Variants in ZNF678 observed in about 807,000 individuals in gnomAD.
ZNF678 encodes the protein zinc finger protein 678, also known as hypothetical protein MGC42493.
In ZNF678, 5 loss-of-function variants were observed where a neutral mutation model predicts 3.0. That is an observed-to-expected ratio of 1.69 (90% CI 0.88 to 3.56). The LOEUF (loss-of-function observed/expected upper bound fraction) is 3.56, where lower values mean the gene tolerates loss of function less well. Among genes scored for constraint, ZNF678 ranks in the 30% most tolerant of loss-of-function variants. The pLI is 0.00. For synonymous variants in ZNF678, 218 were observed against 199.6 expected (o/e 1.09, Z -0.78); for missense variants, 593 against 605.0 (o/e 0.98, Z 0.21).
Position 227,569,388 on chromosome 1 carries a change from T to G in ZNF678, c.-164+5664T>G, listed in dbSNP as rs532016020. Among the ~76,000 whole-genome samples, 4 of 152,312 alleles carry G rather than the reference T, an allele frequency of 2.6e-5. No homozygotes were observed. In the South Asian group the frequency reaches 8.3e-4, roughly 32 times the overall value. Reference sequence around the variant, plus strand: ...TTGAATCATTCTTTTTAACTCATGGTTGTCTTTATCTAAGACCTGGATTCT... The same window carrying G: ...TTGAATCATTCTTTTTAACTCATGGGTGTCTTTATCTAAGACCTGGATTCT... On this transcript the variant is annotated intron_variant, in intron 1 of 3. Coordinates refer to ENST00000343776, the MANE Select transcript of ZNF678 (RefSeq NM_001367909.1).
At chr1:227,625,658 G>A (rs1202023716) in intron 1 of ZNF678, among the ~76,000 whole-genome samples, 1 of 152,120 alleles carries the variant, frequency 6.6e-6, no homozygotes, top group Non-Finnish European at 1.5e-5. Flanking sequence ...AGTGAGGGTG[G>A]TATTAAATAG....
chr1:227,657,546 T>A lies in ZNF678; in HGVS notation c.*1718T>A, dbSNP rs1659282108. The stretch of plus-strand genomic sequence containing the variant: ...AAGGAGTATAATGAAAGGCCATGTA[T>A]TTTGAATCACGAATGACTATTTACA... On this transcript the variant is annotated 3_prime_UTR_variant, in exon 4 of 4. Transcript: ENST00000343776. The A allele has an allele frequency of 6.6e-6, 1 of 151,968 alleles. No homozygotes were observed. Among genetic ancestry groups the A allele is most frequent in the South Asian group, 2.1e-4 (1 of 4,834 alleles). The allele number at this position is 151,968 out of a possible 1,614,324, so 9.4% of individuals were successfully genotyped here.
downstream of ZNF678, chr1:227,662,570 A>G (rs1659433568): frequency 6.6e-6 from 1 of 152,222 alleles, no homozygotes; most frequent in African/African-American, 2.4e-5. Context: ...ATGTGAGCAG[A>G]TGACGCAGGG....
chr1:227,590,381 T>C (rs555255520), intron 1 of ZNF678, among the ~76,000 whole-genome samples: 4 of 151,776 alleles, frequency 2.6e-5, no homozygotes, highest in Non-Finnish European at 4.4e-5. Context: ...ATAACATTTC[T>C]CATCTGAGTT....
intron 1 of ZNF678, among the ~76,000 whole-genome samples, chr1:227,589,413 A>G (rs1463227708): frequency 1.3e-5 from 2 of 151,838 alleles, no homozygotes; most frequent in Admixed American, 6.6e-5. Flanking sequence ...TCTTTTCCCA[A>G]TTGCTTGATT....
chr1:227,650,843 T>C lies in ZNF678; in HGVS notation c.-36-113T>C, dbSNP rs116868046. On this transcript the variant is annotated intron_variant, in intron 2 of 3. Coordinates refer to ENST00000343776, the MANE Select transcript of ZNF678 (RefSeq NM_001367909.1). Reference sequence around the variant, plus strand: ...TTTACTGAGATTTTTGATTTATTTGTTATGGCTTTCTACATATAAGATAAT... The same window carrying C: ...TTTACTGAGATTTTTGATTTATTTGCTATGGCTTTCTACATATAAGATAAT... 3,938 of 744,840 alleles carry C rather than the reference T, an allele frequency of 5.3e-3. 118 individuals carry two copies. The highest frequency in any genetic ancestry group is 0.051 in the South Asian group (1,914 of 37,372). The allele number at this position is 744,840 out of a possible 1,614,324, so 46.1% of individuals were successfully genotyped here. A position where few individuals can be genotyped will look rare whatever the true frequency, so the allele number is the denominator to read the frequency against.
At chr1:227,597,594 A>G (rs1657627150) in intron 1 of ZNF678, among the ~76,000 whole-genome samples, 1 of 152,336 alleles carries the variant, frequency 6.6e-6, no homozygotes, top group South Asian at 2.1e-4. Flanking sequence ...AATGCTAAAA[A>G]ATATTCATTA....
At chr1:227,570,398 G>A (rs1656807430) in intron 1 of ZNF678, among the ~76,000 whole-genome samples, 1 of 152,234 alleles carries the variant, frequency 6.6e-6, no homozygotes, top group African/African-American at 2.4e-5. Context: ...AGTTGTGATA[G>A]GGATTTGAGT....
At chr1:227,591,963 G>C (rs138627436) in intron 1 of ZNF678, among the ~76,000 whole-genome samples, 1 of 152,106 alleles carries the variant, frequency 6.6e-6, no homozygotes, top group African/African-American at 2.4e-5. Context: ...CAGTTTCCGC[G>C]TGTGACTGGA....
intron 1 of ZNF678, among the ~76,000 whole-genome samples, chr1:227,611,907 A>G (rs1335410746): frequency 6.6e-6 from 1 of 152,172 alleles, no homozygotes; most frequent in Admixed American, 6.6e-5. Context: ...GCTACCAAGC[A>G]TCTCTTGTCA....
At chr1:227,576,571 G>C (rs911270777) in intron 1 of ZNF678, among the ~76,000 whole-genome samples, 1 of 152,292 alleles carries the variant, frequency 6.6e-6, no homozygotes, top group African/African-American at 2.4e-5. Context: ...TTGTATTTCT[G>C]TGGCATCAGT....
chr1:227,624,764 T>A (rs1369659635), intron 1 of ZNF678, among the ~76,000 whole-genome samples: 4 of 152,154 alleles, frequency 2.6e-5, no homozygotes, highest in African/African-American at 9.7e-5. Flanking sequence ...GCAGGAACAA[T>A]AGTGAGCCTC....
intron 1 of ZNF678, among the ~76,000 whole-genome samples, chr1:227,610,760 C>T (rs147996529): frequency 6.6e-6 from 1 of 152,136 alleles, no homozygotes; most frequent in Non-Finnish European, 1.5e-5. Context: ...TTCCAACCCC[C>T]CTAAGGTGAT....
chr1:227,653,934 G>A (rs1313778660), intron 3 of ZNF678, among the ~76,000 whole-genome samples: 1 of 151,986 alleles, frequency 6.6e-6, no homozygotes, highest in Non-Finnish European at 1.5e-5. Flanking sequence ...CAGAAGTATG[G>A]GCACATGTGC....
At chr1:227,618,755 G>C (rs990257470) in intron 1 of ZNF678, among the ~76,000 whole-genome samples, 1 of 152,126 alleles carries the variant, frequency 6.6e-6, no homozygotes, top group African/African-American at 2.4e-5. Context: ...GTTTGTTTTA[G>C]TAAGCTGCTC....
rs145497199 is a variant in ZNF678, at chr1:227,585,966, G to A, written c.-164+22242G>A. On this transcript the variant is annotated intron_variant, in intron 1 of 3. Coordinates refer to ENST00000343776, the MANE Select transcript of ZNF678 (RefSeq NM_001367909.1). ...GCAAACAGCCACAAAGCCTAGGGAG[G>A]GAGGAGAATTTGATTTCCAGATTTA... 8.3e-4 allele frequency among the ~76,000 whole-genome samples: 126 copies of A among 152,198 alleles called. 3 individuals are homozygous for A. The East Asian group carries it at 0.023, about 28-fold the overall frequency.
intron 3 of ZNF678, among the ~76,000 whole-genome samples, chr1:227,651,324 G>T (rs913809213): frequency 6.6e-6 from 1 of 152,136 alleles, no homozygotes; most frequent in Admixed American, 6.5e-5. Flanking sequence ...GTATGTGTGT[G>T]GCTCTCACCC....
intron 5 of ZNF678, among the ~76,000 whole-genome samples, chr1:227,668,978 T>C (rs1659554474): frequency 6.6e-6 from 1 of 152,072 alleles, no homozygotes; most frequent in African/African-American, 2.4e-5. Context: ...ACCTAGAATT[T>C]ACCCTCCTCA....
intron 5 of ZNF678, among the ~76,000 whole-genome samples, chr1:227,670,256 C>T (rs1459730805): frequency 6.6e-6 from 1 of 152,218 alleles, no homozygotes; most frequent in African/African-American, 2.4e-5. Flanking sequence ...CAGTCCTACA[C>T]ATGTATCCCC....
Sources: gnomAD v4.1 joint callset for allele counts (sites outside exome capture counted in the v4.1 genomes callset) on GRCh38, gnomAD v4.1.1 for gene constraint, MANE v1.5 for transcripts, NCBI Gene and HGNC (gene_info 2026-07-23, HGNC 2026-07-21) for gene names.